The following LDLRAP1 variants were observed in gnomAD, a reference collection of about 807,000 sequenced individuals.
LDLRAP1 encodes low density lipoprotein receptor adaptor protein 1.
LDLRAP1 carries 30 observed loss-of-function variants against 37.8 expected under a neutral mutation model. The ratio of observed to expected loss-of-function variants is 0.79; its 90% confidence interval spans 0.59 to 1.08. The LOEUF (loss-of-function observed/expected upper bound fraction) is 1.08. Among genes scored for constraint, LDLRAP1 ranks in the 50% least tolerant of loss-of-function variants. The probability of loss-of-function intolerance (pLI) is 0.00; values close to 1 mark genes in which losing one functional copy is unlikely to be tolerated. For synonymous variants in LDLRAP1, 156 were observed against 169.8 expected (o/e 0.92, Z 0.63); for missense variants, 375 against 401.6 (o/e 0.93, Z 0.57).
rs945444043 is a variant in LDLRAP1, at chr1:25,544,345, C to G, written c.88+559C>G. ...AGGTGTGAGCCCGGGGTCGCAGGTA[C>G]GTACTTGAAATTGGGAACGAGGCCC... On this transcript the variant is annotated intron_variant, in intron 1 of 8. Transcript: ENST00000374338. The surrounding 1 kb of genome is among the most constrained non-coding windows in gnomAD (Gnocchi z 4.8). 2.0e-5 allele frequency among the ~76,000 whole-genome samples: 3 copies of G among 152,278 alleles called. No homozygotes were observed. The highest frequency in any genetic ancestry group is 2.0e-4 in the Admixed American group (3 of 15,310).
In LDLRAP1 at chr1:25,567,288, C is replaced by T. The variant is rs1044296077; in HGVS notation, c.*296C>T. 9 of 462,936 alleles carry T rather than the reference C, an allele frequency of 1.9e-5. No homozygotes were observed. Among genetic ancestry groups the T allele is most frequent in the African/African-American group, 9.9e-5 (5 of 50,552 alleles). 28.7% of individuals were successfully genotyped at this position (462,936 alleles called of 1,614,324 possible). A position where few individuals can be genotyped will look rare whatever the true frequency, so the allele number is the denominator to read the frequency against. On this transcript the variant is annotated 3_prime_UTR_variant, in exon 9 of 9. Coordinates refer to ENST00000374338, the MANE Select transcript of LDLRAP1 (RefSeq NM_015627.3). ...TGCGTGACATGTGCAGTGCTGTAAT[C>T]GGCTCCCGCTTGCTCTCCTGGAGCA...
At chr1:25,574,144 G>A in the LDLRAP1 span, among the ~76,000 whole-genome samples, 4 of 152,330 alleles carry the variant, frequency 2.6e-5, no homozygotes, top group African/African-American at 9.6e-5. Flanking sequence ...AAGAGCAAGC[G>A]CAAAGCCCCA....
the LDLRAP1 span, among the ~76,000 whole-genome samples, chr1:25,588,255 G>A: frequency 6.6e-6 from 1 of 152,092 alleles, no homozygotes; most frequent in Admixed American, 6.6e-5. Context: ...ACCGTCCCCC[G>A]GCCCGACACC....
chr1:25,552,280 A>G (rs532343697), intron 1 of LDLRAP1, among the ~76,000 whole-genome samples: 2 of 152,346 alleles, frequency 1.3e-5, no homozygotes, highest in South Asian at 4.1e-4. Flanking sequence ...CATCCCTGCC[A>G]GAGCCTCAGC....
the LDLRAP1 span, among the ~76,000 whole-genome samples, chr1:25,587,813 G>A: frequency 2.0e-5 from 3 of 152,146 alleles, no homozygotes; most frequent in Admixed American, 6.5e-5. Flanking sequence ...AGGGTCCACC[G>A]CATATCAGTA....
the LDLRAP1 span, among the ~76,000 whole-genome samples, chr1:25,581,112 G>A: frequency 1.3e-5 from 2 of 152,142 alleles, no homozygotes; most frequent in East Asian, 3.9e-4. Flanking sequence ...AGAGGGTGCC[G>A]TGCTGGGCTG....
chr1:25,566,853 C>T lies in LDLRAP1; in HGVS notation c.788C>T (p.Ala263Val), dbSNP rs1293124171. ...CACACAGCTCTGCCTTCCAGGCTTG[C>T]CCAGTCTCGGACAAACCCTCAGGTC... ...DGLDEAFSRLAQSRTNPQVLD... is the reference protein window; with the variant it reads ...DGLDEAFSRLVQSRTNPQVLD... Residue 263 changes from alanine (A) to valine (V), a missense_variant, in exon 9 of 9, where the codon GCC becomes GTC. Transcript: ENST00000374338. The T allele has an allele frequency of 6.2e-7, 1 of 1,609,072 alleles. No individual in the cohort carries two copies. Among genetic ancestry groups the T allele is most frequent in the Non-Finnish European group, 8.5e-7 (1 of 1,178,020 alleles).
chr1:25,565,831 T>C (rs971462484), intron 8 of LDLRAP1, among the ~76,000 whole-genome samples: 2 of 152,124 alleles, frequency 1.3e-5, no homozygotes, highest in Non-Finnish European at 2.9e-5. Flanking sequence ...AGGCCTCCCT[T>C]TCTCACTTGA....
At chr1:25,581,450 C>T in the LDLRAP1 span, 1 of 152,268 alleles carries the variant, frequency 6.6e-6, no homozygotes, top group African/African-American at 2.4e-5. Flanking sequence ...TTTCCCTCTT[C>T]AGGCTGGAAG....
intron 4 of LDLRAP1, among the ~76,000 whole-genome samples, chr1:25,561,205 A>G (rs964330518): frequency 2.0e-5 from 3 of 152,244 alleles, no homozygotes; most frequent in Admixed American, 6.5e-5. Flanking sequence ...TTCATGGGCA[A>G]TTCTCAATGG....
chr1:25,588,930 T>C, the LDLRAP1 span, among the ~76,000 whole-genome samples: 1,922 of 152,314 alleles, frequency 0.013, 15 homozygotes, highest in Middle Eastern at 0.037. Context: ...TTAGGTCCTA[T>C]GTGCTCTCCC....
chr1:25,573,517 T>C (rs112738242), downstream of LDLRAP1, among the ~76,000 whole-genome samples: 3,616 of 152,076 alleles, frequency 0.024, 148 homozygotes, highest in African/African-American at 0.081. Context: ...GCATCAGCCC[T>C]TGCGGCTCAG....
the LDLRAP1 span, among the ~76,000 whole-genome samples, chr1:25,580,774 A>G: frequency 2.0e-5 from 3 of 152,250 alleles, no homozygotes; most frequent in South Asian, 6.2e-4. Context: ...GGCCTTCCAA[A>G]GTGCTGGATT....
At chr1:25,586,737 C>T in the LDLRAP1 span, among the ~76,000 whole-genome samples, 5 of 152,170 alleles carry the variant, frequency 3.3e-5, no homozygotes, top group Non-Finnish European at 7.3e-5. The surrounding 1 kb of genome is among the most constrained non-coding windows in gnomAD (Gnocchi z 4.3). Flanking sequence ...GCACAGCTCA[C>T]ACTCCAGGCC....
chr1:25,557,433 A>G (rs1418126620), intron 4 of LDLRAP1, 166 bp downstream of exon 4: 3 of 627,814 alleles, frequency 4.8e-6, no homozygotes, highest in Admixed American at 2.5e-5. Context: ...TAAGGGGTAC[A>G]GTGGTGGGGC....
intron 4 of LDLRAP1, among the ~76,000 whole-genome samples, chr1:25,559,260 G>A (rs1303031543): frequency 1.3e-5 from 2 of 152,156 alleles, no homozygotes; most frequent in African/African-American, 4.8e-5. Flanking sequence ...GCCCTGGGCA[G>A]GGACAGCTGG....
rs1198932745 is a variant in LDLRAP1 at position 25,567,086 on chromosome 1, C to G, written c.*94C>G. The G allele has an allele frequency of 2.8e-6, 4 of 1,451,368 alleles. No individual in the cohort carries two copies. Among genetic ancestry groups the G allele is most frequent in the East Asian group, 2.3e-5 (1 of 43,150 alleles). The allele number at this position is 1,451,368 out of a possible 1,614,324, so 89.9% of individuals were successfully genotyped here. ...GCCAGTTCTGGGGCCCGCCTGCCAC[C>G]TCTCCCAGCCCTCAGCATTGTCAGC... On this transcript the variant is annotated 3_prime_UTR_variant, in exon 9 of 9. Coordinates refer to ENST00000374338, the MANE Select transcript of LDLRAP1 (RefSeq NM_015627.3).
the LDLRAP1 span, among the ~76,000 whole-genome samples, chr1:25,582,490 C>G: frequency 6.7e-6 from 1 of 150,010 alleles, no homozygotes; most frequent in Non-Finnish European, 1.5e-5. Context: ...GAGGCTGAGG[C>G]AGGAGAATCG....
At chr1:25,573,048 G>A (rs962375933), downstream of LDLRAP1, among the ~76,000 whole-genome samples, 1 of 143,586 alleles carries the variant, frequency 7.0e-6, no homozygotes, top group Admixed American at 7.3e-5. Context: ...CTCCTCACCT[G>A]TTAAATAGGA....
Sources: gnomAD v4.1 joint callset for allele counts (sites outside exome capture counted in the v4.1 genomes callset) on GRCh38, gnomAD v4.1.1 for gene constraint, Gnocchi (gnomAD v3.1) non-coding constraint, MANE v1.5 for transcripts, NCBI Gene and HGNC (gene_info 2026-07-23, HGNC 2026-07-21) for gene names.